The following RPAP1 variants were observed in gnomAD, a reference collection of about 807,000 sequenced individuals.
RPAP1 encodes RNA polymerase II-associated protein 1.
In RPAP1, 109 loss-of-function variants were observed where a neutral mutation model predicts 142.4. That is an observed-to-expected ratio of 0.77 (90% CI 0.66 to 0.90). The LOEUF is 0.90. Among genes scored for constraint, RPAP1 ranks in the 40% least tolerant of loss-of-function variants. The pLI, the probability that RPAP1 is intolerant of heterozygous loss-of-function variation, is 0.00. For missense variants in RPAP1, 1,546 were observed against 1,751.7 expected (o/e 0.88, Z 2.10); for synonymous variants, 704 against 738.9 (o/e 0.95, Z 0.77).
At chr15:41,535,823 T>C (rs981456706) in intron 4 of RPAP1, among the ~76,000 whole-genome samples, 191 bp from the exon 5 acceptor site, 32 of 152,274 alleles carry the variant, frequency 2.1e-4, no homozygotes, top group African/African-American at 7.5e-4. Flanking sequence ...CAGACTTGGG[T>C]TGAAGTTCTG....
chr15:41,524,863 G>A (rs1199219250), intron 15 of RPAP1, 128 bp downstream of exon 15: 1 of 942,062 alleles, frequency 1.1e-6, no homozygotes, highest in East Asian at 2.7e-5. Flanking sequence ...ACATCTGGCA[G>A]AAGCCCTCCC....
chr15:41,517,915 C>T (rs1449479797), intron 23 of RPAP1, 58 bp from the exon 24 acceptor site: 1 of 1,613,336 alleles, frequency 6.2e-7, no homozygotes, highest in Non-Finnish European at 8.5e-7. Context: ...CACCACTGGC[C>T]TTGCTTGACA....
At chr15:41,538,059 C>T (rs1021954263) in intron 1 of RPAP1, among the ~76,000 whole-genome samples, 4 of 152,020 alleles carry the variant, frequency 2.6e-5, no homozygotes, top group African/African-American at 4.8e-5. Flanking sequence ...CTGGTTAACA[C>T]GGTGAAACCC....
intron 11 of RPAP1, 89 bp from the exon 12 acceptor site, chr15:41,527,694 T>G: frequency 1.4e-6 from 2 of 1,480,550 alleles, no homozygotes; most frequent in South Asian, 1.4e-5. Context: ...ATAAAAACCA[T>G]AAAGGCAAGC....
intron 21 of RPAP1, among the ~76,000 whole-genome samples, 171 bp downstream of exon 21, chr15:41,521,567 G>C (rs1433380371): frequency 6.6e-6 from 1 of 152,192 alleles, no homozygotes; most frequent in East Asian, 1.9e-4. Flanking sequence ...CTTGGGTGTG[G>C]TTAGCCTGAT....
Position 41,527,489 on chromosome 15 carries a change from T to C in RPAP1, c.1545A>G (p.Ala515=), listed in dbSNP as rs775075639. ...DEDEECPAGK[A]KRKSPEEESR... ...TTTCTTCTTCAGGGCTTTTCCTTTT[T>C]GCTTTTCCTGCTGGGCATTCTTCAT... is the stretch of plus-strand genomic sequence containing the variant. The change falls in exon 12 of 25, where the codon GCA becomes GCG. Residue 515 remains alanine, a synonymous_variant. Coordinates refer to ENST00000304330, the MANE Select transcript of RPAP1 (RefSeq NM_015540.4). 1 of 1,614,222 alleles carries C rather than the reference T, an allele frequency of 6.2e-7. No individual in the cohort carries two copies. The highest frequency in any genetic ancestry group is 1.7e-5 in the Admixed American group (1 of 60,024).
At chr15:41,525,959 ATTTGT>A in intron 14 of RPAP1, among the ~76,000 whole-genome samples, 1 of 146,482 alleles carries the variant, frequency 6.8e-6, no homozygotes, top group Non-Finnish European at 1.5e-5. Context: ...CGGCCCTATT[ATTTGT>A]TTTTAGATGG....
chr15:41,522,002 G>T, intron 20 of RPAP1, 96 bp downstream of exon 20: 1 of 1,562,324 alleles, frequency 6.4e-7, no homozygotes, highest in Non-Finnish European at 8.7e-7. Context: ...GGAGGAAAGT[G>T]GGAGCTGCAT....
chr15:41,523,271 T>C lies in RPAP1; in HGVS notation c.2520A>G (p.Thr840=). 6.2e-7 allele frequency: 1 copy of C among 1,610,402 alleles called. No individual in the cohort carries two copies. The highest frequency in any genetic ancestry group is 1.1e-5 in the South Asian group (1 of 90,604). The change falls in exon 18 of 25, where the codon ACA becomes ACG. Residue 840 remains threonine (T), a synonymous_variant. Transcript: ENST00000304330. ...TAAGGGAATCCCACAGGCTGCCCAG[T>C]GTGGGCTGACTCAGCAGTGGCAGCA... is the stretch of plus-strand genomic sequence containing the variant. ...ELLLPLLSQP[T]LGSLWDSLRH... is the part of the protein sequence containing the mutation.
chr15:41,521,006 C>G lies in RPAP1; in HGVS notation c.3180G>C (p.Leu1060=), dbSNP rs369057060. The G allele has an allele frequency of 8.7e-6, 14 of 1,606,016 alleles. No homozygotes were observed. The Middle Eastern group carries it at 8.3e-4, about 95-fold the overall frequency. ...TGGCTCGGGCTGGCGAGCAATGAGTCAGGTAGCAGTTGCGGATGCTGGGGA... is the reference window on the plus strand; with the variant it reads ...TGGCTCGGGCTGGCGAGCAATGAGTGAGGTAGCAGTTGCGGATGCTGGGGA... The part of the protein sequence containing the change: ...QDLPSIRNCY[L]THCSPARASL... Residue 1060 remains leucine, a synonymous_variant, in exon 22 of 25, where the codon CTG becomes CTC. Coordinates refer to ENST00000304330, the MANE Select transcript of RPAP1 (RefSeq NM_015540.4).
Position 41,517,647 on chromosome 15 carries a change from C to T in RPAP1, c.4077G>A (p.Thr1359=), listed in dbSNP as rs149582769. Residue 1359 remains threonine (T), a synonymous_variant, in exon 25 of 25, where the codon ACG becomes ACA. Coordinates refer to ENST00000304330, the MANE Select transcript of RPAP1 (RefSeq NM_015540.4). ...AATAGAGCTCAAAGCCCTCTGGGAG[C>T]GTGGAATTGGGAAGCTTATAGTGCA... ...HLLHYKLPNS[T]LPEGFELYSQ... is the part of the protein sequence containing the mutation. The T allele has an allele frequency of 1.1e-5, 18 of 1,612,496 alleles. No homozygotes were observed. In the Admixed American group the frequency reaches 1.3e-4, roughly 12 times the overall value.
chr15:41,537,039 T>G lies in RPAP1; in HGVS notation c.87A>C (p.Ala29=). 1 of 1,613,978 alleles carries G rather than the reference T, an allele frequency of 6.2e-7. No individual in the cohort carries two copies. The highest frequency in any genetic ancestry group is 8.5e-7 in the Non-Finnish European group (1 of 1,179,878). The change falls in exon 2 of 25, where the codon GCA becomes GCC. Residue 29 remains alanine, a synonymous_variant. Coordinates refer to ENST00000304330, the MANE Select transcript of RPAP1 (RefSeq NM_015540.4). ...SQFLAAGAAP[A]VQLVKKGNRG... ...TATTTCCTTTCTTCACCAACTGCACTGCTGGGGCTGCACCAGCTGCGAGAA... is the reference window on the plus strand; with the variant it reads ...TATTTCCTTTCTTCACCAACTGCACGGCTGGGGCTGCACCAGCTGCGAGAA...
At chr15:41,540,783 G>A (rs2051964838) in intron 1 of RPAP1, among the ~76,000 whole-genome samples, 1 of 152,138 alleles carries the variant, frequency 6.6e-6, no homozygotes, top group Non-Finnish European at 1.5e-5. Context: ...CTGGAAGTCT[G>A]GAATAGTGAG....
intron 6 of RPAP1, 89 bp downstream of exon 6, chr15:41,534,625 C>T (rs2051889018): frequency 2.9e-6 from 2 of 680,810 alleles, no homozygotes; most frequent in Non-Finnish European, 5.1e-6. Flanking sequence ...AAGTACTCAG[C>T]ACAGTGCCCG....
Position 41,521,624 on chromosome 15 carries a change from C to A in RPAP1, c.3038+114G>T, listed in dbSNP as rs970451900. 1.1e-4 allele frequency: 128 copies of A among 1,188,062 alleles called. No homozygotes were observed. In the Admixed American group the frequency reaches 1.1e-3, roughly 10 times the overall value. The allele number at this position is 1,188,062 out of a possible 1,614,324, so 73.6% of individuals were successfully genotyped here. The stretch of plus-strand genomic sequence containing the variant: ...ATGGAAGCTCGGAAGAGTTAAGTGT[C>A]GTCGGTGGAAGAAAGAGAATTTAGG... On this transcript the variant is annotated intron_variant, in intron 21 of 24. Transcript: ENST00000304330.
intron 1 of RPAP1, among the ~76,000 whole-genome samples, chr15:41,540,124 G>T (rs773863105): frequency 5.9e-5 from 9 of 152,148 alleles, no homozygotes; most frequent in African/African-American, 9.7e-5. Flanking sequence ...GCTGGCCAAA[G>T]ATATCTGCAA....
chr15:41,536,474 A>T, intron 3 of RPAP1, 27 bp downstream of exon 3: 1 of 1,612,874 alleles, frequency 6.2e-7, no homozygotes, highest in Non-Finnish European at 8.5e-7. Flanking sequence ...AGAACATCTT[A>T]TCCTACTCAG....
chr15:41,531,621 ATATATATTTTTTTTTTTT>A (rs563718493), intron 6 of RPAP1, among the ~76,000 whole-genome samples: 2,774 of 31,342 alleles, frequency 0.089, 10 homozygotes, highest in Admixed American at 0.11. Context: ...ATATATATAT[ATATATATTTTTTTTTTTT>A]TTTTTTTTTT....
chr15:41,531,328 G>A (rs544491974), intron 6 of RPAP1, 126 bp from the exon 7 acceptor site: 1 of 943,604 alleles, frequency 1.1e-6, no homozygotes, highest in East Asian at 2.5e-5. Context: ...TTCCGAGCCT[G>A]GGCCTGAGCC....
Sources: allele counts gnomAD v4.1 joint callset (sites outside exome capture counted in the v4.1 genomes callset), GRCh38; gene constraint gnomAD v4.1.1; transcripts MANE v1.5; gene names NCBI Gene and HGNC (gene_info 2026-07-23, HGNC 2026-07-21).